SHISA6: variants seen among roughly 807,000 people sequenced by gnomAD.
The protein encoded by SHISA6 is protein shisa-6.
SHISA6 carries 22 observed loss-of-function variants against 47.9 expected under a neutral mutation model. The ratio of observed to expected loss-of-function variants is 0.46; its 90% CI spans 0.33 to 0.66. The LOEUF is 0.66. SHISA6 is among the 30% of genes least tolerant of loss of function. SHISA6 has a pLI of 0.02. For missense variants in SHISA6, 680 were observed against 764.6 expected (o/e 0.89, Z 1.30); for synonymous variants, 388 against 337.8 (o/e 1.15, Z -1.63).
chr17:11,387,313 A>G (rs1248606957), intron 3 of SHISA6, among the ~76,000 whole-genome samples: 1 of 152,116 alleles, frequency 6.6e-6, no homozygotes, highest in African/African-American at 2.4e-5. Context: ...CTAAATGCTA[A>G]AAAAGGGGTG....
chr17:11,371,250 C>T (rs1218634527), intron 2 of SHISA6, among the ~76,000 whole-genome samples: 2 of 152,192 alleles, frequency 1.3e-5, no homozygotes, highest in African/African-American at 2.4e-5. Flanking sequence ...CACAGGTCTC[C>T]TGGCTCCCAG....
chr17:11,248,112 A>ATCT (rs1907661610), intron 1 of SHISA6, among the ~76,000 whole-genome samples: 1 of 152,080 alleles, frequency 6.6e-6, no homozygotes, highest in African/African-American at 2.4e-5. Context: ...GAGAGATAAG[A>ATCT]GGCCTGGGTA....
chr17:11,370,076 CTCTT>C (rs953102348), intron 2 of SHISA6, among the ~76,000 whole-genome samples: 41 of 152,288 alleles, frequency 2.7e-4, no homozygotes, highest in African/African-American at 9.1e-4. Context: ...ACCTTGAAGA[CTCTT>C]TCTGTTGCAA....
At chr17:11,247,103 C>T (rs1355995152) in intron 1 of SHISA6, among the ~76,000 whole-genome samples, 2 of 152,142 alleles carry the variant, frequency 1.3e-5, no homozygotes, top group Admixed American at 1.3e-4. Context: ...GAGAAAAAAG[C>T]CTAATTCATT....
At chr17:11,533,411 A>C (rs1216549283) in intron 3 of SHISA6, among the ~76,000 whole-genome samples, 1 of 152,012 alleles carries the variant, frequency 6.6e-6, no homozygotes, top group Non-Finnish European at 1.5e-5. Flanking sequence ...ACCGTCTCTC[A>C]TCTGCACTCC....
At position 11,417,706 on chromosome 17, in the gene SHISA6, T is replaced by A. The variant is rs182667830; in HGVS notation, c.895+38197T>A. 1.4e-3 allele frequency among the ~76,000 whole-genome samples: 211 copies of A among 152,336 alleles called. 1 individual carries two copies. Among genetic ancestry groups the A allele is most frequent in the African/African-American group, 4.9e-3 (203 of 41,582 alleles). On this transcript the variant is annotated intron_variant, in intron 3 of 5. Transcript: ENST00000441885. Reference sequence around the variant, plus strand: ...TCTCAGCAGAGCCATTGCTGGTAGTTCGGACATGGTAGGAACAGAGCTTCT... The same window carrying A: ...TCTCAGCAGAGCCATTGCTGGTAGTACGGACATGGTAGGAACAGAGCTTCT...
At chr17:11,428,081 C>CTA (rs1914652764) in intron 3 of SHISA6, among the ~76,000 whole-genome samples, 1 of 152,202 alleles carries the variant, frequency 6.6e-6, no homozygotes, top group Admixed American at 6.5e-5. Flanking sequence ...AGCCACTGGG[C>CTA]TACACTCTTT....
At chr17:11,314,560 A>C (rs1382961797) in intron 2 of SHISA6, among the ~76,000 whole-genome samples, 9 of 143,136 alleles carry the variant, frequency 6.3e-5, no homozygotes, top group Non-Finnish European at 1.4e-4. Context: ...TTTGAGATGG[A>C]GTCCCGCTCT....
chr17:11,377,893 T>C (rs983024985), intron 2 of SHISA6, among the ~76,000 whole-genome samples: 2 of 152,234 alleles, frequency 1.3e-5, no homozygotes, highest in African/African-American at 4.8e-5. Context: ...TCTGCATTTT[T>C]AAAAACAAAT....
At chr17:11,251,762 T>C (rs1907819446) in intron 1 of SHISA6, among the ~76,000 whole-genome samples, 1 of 152,320 alleles carries the variant, frequency 6.6e-6, no homozygotes, top group South Asian at 2.1e-4. Flanking sequence ...TGACTCACGC[T>C]TTCCCTGTGA....
At chr17:11,500,603 C>T (rs932386143) in intron 3 of SHISA6, among the ~76,000 whole-genome samples, 1 of 152,114 alleles carries the variant, frequency 6.6e-6, no homozygotes, top group African/African-American at 2.4e-5. Flanking sequence ...GTTCAAAAGG[C>T]CAAGATACAT....
At chr17:11,484,518 A>T (rs1352640079) in intron 3 of SHISA6, among the ~76,000 whole-genome samples, 1 of 152,152 alleles carries the variant, frequency 6.6e-6, no homozygotes, top group African/African-American at 2.4e-5. Context: ...CTCCTGCCTC[A>T]ACCTCTCAAG....
At chr17:11,259,509 G>A (rs1232443900) in intron 1 of SHISA6, among the ~76,000 whole-genome samples, 1 of 152,150 alleles carries the variant, frequency 6.6e-6, no homozygotes, top group African/African-American at 2.4e-5. Flanking sequence ...TTATTTTTCT[G>A]TTGTTAAGGG....
intron 2 of SHISA6, among the ~76,000 whole-genome samples, chr17:11,317,667 T>G (rs1910570870): frequency 6.6e-6 from 1 of 152,000 alleles, no homozygotes; most frequent in African/African-American, 2.4e-5. Flanking sequence ...CCTGTCTGCC[T>G]GTTTTTCTTC....
chr17:11,263,401 T>C lies in SHISA6; in HGVS notation c.674T>C (p.Ile225Thr), dbSNP rs1908310029. ...LADILRQQGP[I>T]PIAHCERETI... Reference sequence around the variant, plus strand: ...GACATCTTAAGACAACAGGGACCAATCCCCATAGCACACTGTGAAAGAGAA... The same window carrying C: ...GACATCTTAAGACAACAGGGACCAACCCCCATAGCACACTGTGAAAGAGAA... The change falls in exon 2 of 6, where the codon ATC becomes ACC. Residue 225 changes from isoleucine (I) to threonine (T), a missense_variant. Physicochemically the swap from Ile to Thr is moderately conservative, Grantham distance 89 (BLOSUM62 -1). Transcript: ENST00000441885. 6.4e-7 allele frequency: 1 copy of C among 1,552,000 alleles called. No homozygotes were observed. The highest frequency in any genetic ancestry group is 1.4e-5 in the African/African-American group (1 of 73,012).
At chr17:11,402,177 G>T (rs1412597405) in intron 3 of SHISA6, among the ~76,000 whole-genome samples, 4 of 152,086 alleles carry the variant, frequency 2.6e-5, no homozygotes, top group Non-Finnish European at 5.9e-5. Flanking sequence ...CATTTAGGAG[G>T]TTCCTTATTT....
Position 11,339,965 on chromosome 17 carries a change from A to T in SHISA6, c.800-39449A>T, listed in dbSNP as rs144157826. On this transcript the variant is annotated intron_variant, in intron 2 of 5. Transcript: ENST00000441885. ...AATTGGTACTAAAGGAGGACCCTAG[A>T]TGACCCAGCAGAGAAAGAAAGGAAC... Among the ~76,000 whole-genome samples the T allele has an allele frequency of 2.4e-3, 373 of 152,352 alleles. 1 individual carries two copies. Among genetic ancestry groups the T allele is most frequent in the African/African-American group, 8.1e-3 (335 of 41,584 alleles).
chr17:11,339,013 C>A (rs1303864879), intron 2 of SHISA6, among the ~76,000 whole-genome samples: 1 of 151,530 alleles, frequency 6.6e-6, no homozygotes, highest in Non-Finnish European at 1.5e-5. Flanking sequence ...AAGGAGTGTT[C>A]TATGTGCCCA....
At chr17:11,340,708 C>T (rs34683033) in intron 2 of SHISA6, among the ~76,000 whole-genome samples, 25,821 of 152,198 alleles carry the variant, frequency 0.17, 2,515 homozygotes, top group South Asian at 0.29. Flanking sequence ...GAGTCTGCTG[C>T]ATCACCTCCA....
Sources: allele counts gnomAD v4.1 joint callset (sites outside exome capture counted in the v4.1 genomes callset), GRCh38; gene constraint gnomAD v4.1.1; transcripts MANE v1.5; gene names NCBI Gene and HGNC (gene_info 2026-07-23, HGNC 2026-07-21).